The following RAP1GDS1 variants were observed in gnomAD, a reference collection of about 807,000 sequenced individuals.
RAP1GDS1 encodes RAP1, GTP-GDP dissociation stimulator 1.
A neutral mutation model predicts 71.1 loss-of-function variants in RAP1GDS1; 35 were observed. The ratio of observed to expected loss-of-function variants is 0.49; its 90% CI spans 0.38 to 0.65. RAP1GDS1 has a LOEUF of 0.65. RAP1GDS1 is among the 30% of genes least tolerant of loss of function. The pLI, the probability that RAP1GDS1 is intolerant of heterozygous loss-of-function variation, is 0.00. For synonymous variants in RAP1GDS1, 229 were observed against 243.1 expected, an observed-to-expected ratio of 0.94 and a Z score of 0.54; for missense variants, 663 against 706.1, an observed-to-expected ratio of 0.94 and a Z score of 0.69.
intron 5 of RAP1GDS1, among the ~76,000 whole-genome samples, chr4:98,381,476 T>A (rs1390727105): frequency 6.6e-6 from 1 of 151,660 alleles, no homozygotes; most frequent in Non-Finnish European, 1.5e-5. Flanking sequence ...TGCTTTCTCT[T>A]TTCCTTAAAA....
Position 98,400,541 on chromosome 4 carries a change from A to AAAAC in RAP1GDS1, c.638-3933_638-3932insCAAA, listed in dbSNP as rs1745248605. On this transcript the variant is annotated intron_variant, in intron 6 of 14. Transcript: ENST00000408927. ...ATTTTATAGAAGTAAAAAAAAAAAA[A>AAAAC]AAAAAACGGATACTAGAGGTTGGGA... is the stretch of plus-strand genomic sequence containing the variant. Among the ~76,000 whole-genome samples, 3 of 151,582 alleles carry AAAAC rather than the reference A, an allele frequency of 2.0e-5. No homozygotes were observed. The Admixed American group carries it at 2.0e-4, about 10-fold the overall frequency.
In RAP1GDS1 at chr4:98,352,534, A is replaced by G. The variant is rs1453935582; in HGVS notation, c.294A>G (p.Leu98=). 3 of 1,614,062 alleles carry G rather than the reference A, an allele frequency of 1.9e-6. No homozygotes were observed. The highest frequency in any genetic ancestry group is 2.5e-6 in the Non-Finnish European group (3 of 1,179,926). The change falls in exon 4 of 15, where the codon CTA becomes CTG. Residue 98 remains leucine (L), a synonymous_variant. Transcript: ENST00000408927. ...AGLISPLVQL[L]NSKDQEVLLQ... is the part of the protein sequence containing the mutation. ...TGATTTCACCACTGGTGCAGCTGCT[A>G]AATAGCAAAGACCAGGAAGTGCTGC... is the stretch of plus-strand genomic sequence containing the variant.
At chr4:98,264,570 G>A (rs1262404727) in intron 1 of RAP1GDS1, among the ~76,000 whole-genome samples, 1 of 152,142 alleles carries the variant, frequency 6.6e-6, no homozygotes, top group Non-Finnish European at 1.5e-5. Context: ...CTGTACTACA[G>A]TGTACTGGGA....
intron 2 of RAP1GDS1, among the ~76,000 whole-genome samples, chr4:98,326,453 G>A (rs1733102793): frequency 6.6e-6 from 1 of 151,802 alleles, no homozygotes. Context: ...TTCTTTCTAG[G>A]ATTATACTTG....
At chr4:98,285,083 A>G (rs1725775991) in intron 1 of RAP1GDS1, among the ~76,000 whole-genome samples, 1 of 152,154 alleles carries the variant, frequency 6.6e-6, no homozygotes, top group Non-Finnish European at 1.5e-5. Context: ...CTTTTGTTTT[A>G]TGCCAGTAAA....
chr4:98,304,747 T>C (rs1252572484), intron 2 of RAP1GDS1, among the ~76,000 whole-genome samples: 4 of 152,170 alleles, frequency 2.6e-5, no homozygotes, highest in Non-Finnish European at 4.4e-5. Flanking sequence ...CTTTTGATGT[T>C]TTTGTTATGA....
At chr4:98,424,563 C>A (rs1749339135) in intron 12 of RAP1GDS1, among the ~76,000 whole-genome samples, 1 of 152,154 alleles carries the variant, frequency 6.6e-6, no homozygotes, top group African/African-American at 2.4e-5. Context: ...GAGTTCCAGA[C>A]CAGCCTGGCC....
intron 2 of RAP1GDS1, among the ~76,000 whole-genome samples, chr4:98,333,276 T>C (rs1407074522): frequency 6.6e-6 from 1 of 152,032 alleles, no homozygotes; most frequent in East Asian, 1.9e-4. Context: ...GAAAACACAT[T>C]TTTGTGTACT....
At position 98,420,335 on chromosome 4, in the gene RAP1GDS1, A is replaced by T. The variant is rs557336260; in HGVS notation, c.1300+191A>T. ...TTGTTATAATTATTTATTTATACAT[A>T]TTATTTATTTATTTATTTATTTATT... On this transcript the variant is annotated intron_variant, in intron 11 of 14. Transcript: ENST00000408927. Among the ~76,000 whole-genome samples, 403 of 149,866 alleles carry T rather than the reference A, an allele frequency of 2.7e-3. 1 individual carries two copies. The highest frequency in any genetic ancestry group is 5.0e-3 in the Non-Finnish European group (338 of 67,616).
intron 2 of RAP1GDS1, among the ~76,000 whole-genome samples, chr4:98,298,307 A>G (rs1296080169): frequency 6.6e-6 from 1 of 152,216 alleles, no homozygotes; most frequent in Non-Finnish European, 1.5e-5. Context: ...GTGCTAAACA[A>G]CAGATTTTCA....
chr4:98,420,969 G>A (rs1049215926), intron 11 of RAP1GDS1, among the ~76,000 whole-genome samples: 3 of 152,140 alleles, frequency 2.0e-5, no homozygotes, highest in African/African-American at 4.8e-5. Flanking sequence ...TGATTGCATA[G>A]AGTCTTTCTA....
intron 5 of RAP1GDS1, among the ~76,000 whole-genome samples, chr4:98,389,370 G>A (rs1313316936): frequency 6.6e-6 from 1 of 151,732 alleles, no homozygotes; most frequent in African/African-American, 2.4e-5. Flanking sequence ...CCTGCCAGTC[G>A]GTGTGAACAA....
At chr4:98,354,635 T>C (rs1008795913) in intron 4 of RAP1GDS1, among the ~76,000 whole-genome samples, 1 of 152,154 alleles carries the variant, frequency 6.6e-6, no homozygotes, top group Non-Finnish European at 1.5e-5. Context: ...AGTCCATTAT[T>C]ATAGTATTTA....
intron 4 of RAP1GDS1, among the ~76,000 whole-genome samples, chr4:98,373,721 C>G (rs1454820292): frequency 6.6e-6 from 1 of 152,098 alleles, no homozygotes; most frequent in Non-Finnish European, 1.5e-5. Flanking sequence ...AATATATTTT[C>G]ACACCTGTAA....
intron 7 of RAP1GDS1, among the ~76,000 whole-genome samples, chr4:98,410,344 AG>A (rs1334867943): frequency 1.3e-5 from 2 of 152,198 alleles, no homozygotes; most frequent in Non-Finnish European, 2.9e-5. Context: ...GTTCACTCTT[AG>A]GTAACACAAA....
intron 2 of RAP1GDS1, among the ~76,000 whole-genome samples, chr4:98,305,076 T>A (rs1729135136): frequency 6.6e-6 from 1 of 152,208 alleles, no homozygotes; most frequent in Admixed American, 6.5e-5. Context: ...TGTAGCCTTG[T>A]AGTATAGTTT....
Position 98,352,331 on chromosome 4 carries a change from A to C in RAP1GDS1, c.236-145A>C, listed in dbSNP as rs998969623. 3.0e-5 allele frequency: 24 copies of C among 804,016 alleles called. No homozygotes were observed. In the Middle Eastern group the frequency reaches 1.1e-3, roughly 38 times the overall value. The allele number at this position is 804,016 out of a possible 1,614,324, so 49.8% of individuals were successfully genotyped here. Reference sequence around the variant, plus strand: ...TGTAACAGGGTACTTTTGTACAGAAATGTACTCTTCAAATATTCAGCCACC... The same window carrying C: ...TGTAACAGGGTACTTTTGTACAGAACTGTACTCTTCAAATATTCAGCCACC... On this transcript the variant is annotated intron_variant, in intron 3 of 14. Coordinates refer to ENST00000408927, the MANE Select transcript of RAP1GDS1 (RefSeq NM_001100427.2).
chr4:98,339,076 G>C (rs76686553), intron 2 of RAP1GDS1, among the ~76,000 whole-genome samples: 1,787 of 152,218 alleles, frequency 0.012, 32 homozygotes, highest in African/African-American at 0.04. Context: ...TTTAAACTCT[G>C]CTCATATGAC....
chr4:98,388,607 TC>T (rs1743125958), intron 5 of RAP1GDS1, among the ~76,000 whole-genome samples: 1 of 152,116 alleles, frequency 6.6e-6, no homozygotes, highest in Non-Finnish European at 1.5e-5. Flanking sequence ...GGGCCTATAA[TC>T]CCAGCTACTC....
Sources: gnomAD v4.1 joint callset for allele counts (sites outside exome capture counted in the v4.1 genomes callset) on GRCh38, gnomAD v4.1.1 for gene constraint, MANE v1.5 for transcripts, NCBI Gene and HGNC (gene_info 2026-07-23, HGNC 2026-07-21) for gene names.